TLK1: variants seen among roughly 807,000 people sequenced by gnomAD.
The protein encoded by TLK1 is serine/threonine-protein kinase tousled-like 1.
A neutral mutation model predicts 105.3 loss-of-function variants in TLK1; 24 were observed. That is an observed-to-expected ratio of 0.23 (90% CI 0.17 to 0.32). TLK1 has a LOEUF of 0.32. TLK1 is among the 10% of genes least tolerant of loss of function. TLK1 has a pLI of 1.00. For missense variants in TLK1, 558 were observed against 910.5 expected, an observed-to-expected ratio of 0.61 and a Z score of 4.98; for synonymous variants, 321 against 310.4, an observed-to-expected ratio of 1.03 and a Z score of -0.36.
rs780025885 is a variant in TLK1 at position 171,224,105 on chromosome 2, AT to A, written c.-6+7039del. Among the ~76,000 whole-genome samples the A allele has an allele frequency of 5.3e-5, 8 of 152,146 alleles. No individual in the cohort carries two copies. The East Asian group carries it at 1.2e-3, about 22-fold the overall frequency. On this transcript the variant is annotated intron_variant, in intron 1 of 20. Transcript: ENST00000521943. ...GGTCTTAGATTTAAGTCTTTACTCCATTTTGATTTGATTTTTGTATATATGA... is the reference window on the plus strand; with the variant it reads ...GGTCTTAGATTTAAGTCTTTACTCCATTTGATTTGATTTTTGTATATATGA...
chr2:171,058,598 T>C lies in TLK1; in HGVS notation c.407-401A>G, dbSNP rs187840987. The stretch of plus-strand genomic sequence containing the variant: ...GGAATGTTATTTTGTAAAATGTATT[T>C]TGATTTTCTAAAAAGCATTCCCAAA... On this transcript the variant is annotated intron_variant, in intron 4 of 20. Coordinates refer to ENST00000431350, the MANE Select transcript of TLK1 (RefSeq NM_012290.5). Among the ~76,000 whole-genome samples the C allele has an allele frequency of 2.6e-5, 4 of 152,292 alleles. No homozygotes were observed. The East Asian group carries it at 7.7e-4, about 29-fold the overall frequency.
intron 1 of TLK1, among the ~76,000 whole-genome samples, chr2:171,227,641 TCTGA>T (rs1000286154): frequency 1.9e-4 from 25 of 133,352 alleles, no homozygotes; most frequent in African/African-American, 6.4e-4. Context: ...CTGTAAAAGT[TCTGA>T]CTAATTCACT....
At chr2:171,230,508 C>G (rs906176705) in intron 1 of TLK1, among the ~76,000 whole-genome samples, 1 of 152,190 alleles carries the variant, frequency 6.6e-6, no homozygotes, top group African/African-American at 2.4e-5. Flanking sequence ...CTTCATCCCC[C>G]TGTCCCGACA....
intron 4 of TLK1, 86 bp downstream of exon 4, chr2:171,060,995 T>C (rs1428718674): frequency 1.5e-6 from 2 of 1,297,056 alleles, no homozygotes; most frequent in African/African-American, 3.0e-5. Flanking sequence ...CATATTATTT[T>C]ACAATTAGAG....
At chr2:171,161,708 G>A (rs79700496), upstream of TLK1, among the ~76,000 whole-genome samples, 3,496 of 152,272 alleles carry the variant, frequency 0.023, 75 homozygotes, top group South Asian at 0.047. Flanking sequence ...ATGGTTTCTA[G>A]AAACTTATAA....
At chr2:171,110,839 T>TA (rs1008854630) in intron 2 of TLK1, among the ~76,000 whole-genome samples, 1 of 152,140 alleles carries the variant, frequency 6.6e-6, no homozygotes, top group Non-Finnish European at 1.5e-5. Flanking sequence ...AACTATATAG[T>TA]AAAAAAGGGT....
chr2:171,135,374 A>G (rs1691273073), intron 1 of TLK1, among the ~76,000 whole-genome samples: 1 of 151,734 alleles, frequency 6.6e-6, no homozygotes, highest in South Asian at 2.1e-4. Context: ...CCATAAATGT[A>G]TACAATTATG....
intron 2 of TLK1, among the ~76,000 whole-genome samples, chr2:171,108,020 G>A (rs1241871963): frequency 3.3e-5 from 5 of 150,278 alleles, no homozygotes; most frequent in East Asian, 3.9e-4. Context: ...TTGCGTCACC[G>A]TACTCCAGCC....
chr2:171,117,835 A>G lies in TLK1; in HGVS notation c.162T>C (p.Ser54=). 2 of 1,613,396 alleles carry G rather than the reference A, an allele frequency of 1.2e-6. No homozygotes were observed. Among genetic ancestry groups the G allele is most frequent in the Non-Finnish European group, 1.7e-6 (2 of 1,179,860 alleles). The change falls in exon 2 of 21, where the codon AGT becomes AGC. Residue 54 remains serine (S), a synonymous_variant. Transcript: ENST00000431350. ...ATAACTCTTGCCTTCTTGGATCCAGACTATGAAGCTCATCCATTGCACCTA... is the reference window on the plus strand; with the variant it reads ...ATAACTCTTGCCTTCTTGGATCCAGGCTATGAAGCTCATCCATTGCACCTA... The part of the protein sequence containing the change: ...PREGAMDELH[S]LDPRRQELLE...
In TLK1 at chr2:171,007,049, A is replaced by T. The variant is rs928742023; in HGVS notation, c.1431T>A (p.Tyr477Ter). The change falls in exon 15 of 21, where the codon TAT (tyrosine) becomes TAA (stop). Residue 477 changes from tyrosine to a stop codon, truncating the protein, a stop_gained. Transcript: ENST00000431350. LOFTEE classifies it high-confidence loss of function. ...TCTTCACAGCAGCATATCTTTGTTCATAAAGGTCAAAAGCCTAGGATTTCA... is the reference window on the plus strand; with the variant it reads ...TCTTCACAGCAGCATATCTTTGTTCTTAAAGGTCAAAAGCCTAGGATTTCA... ...FSEVYKAFDL[Y>*]EQRYAAVKIH... The T allele has an allele frequency of 1.2e-6, 2 of 1,605,762 alleles. No homozygotes were observed. The highest frequency in any genetic ancestry group is 1.7e-6 in the Non-Finnish European group (2 of 1,178,062).
intron 2 of TLK1, among the ~76,000 whole-genome samples, chr2:171,090,667 G>C (rs1463702118): frequency 6.6e-6 from 1 of 152,134 alleles, no homozygotes; most frequent in East Asian, 1.9e-4. Flanking sequence ...ATTCTTTGGA[G>C]ACTAAAGCTG....
At chr2:171,017,877 A>G (rs926752763) in intron 12 of TLK1, among the ~76,000 whole-genome samples, 2 of 152,316 alleles carry the variant, frequency 1.3e-5, no homozygotes, top group African/African-American at 4.8e-5. Flanking sequence ...AACCCACCAT[A>G]CTCAGTGAAA....
chr2:171,104,276 C>CAAAAA (rs200041617), intron 2 of TLK1, among the ~76,000 whole-genome samples: 1 of 108,354 alleles, frequency 9.2e-6, no homozygotes. Flanking sequence ...GATTCTGTCT[C>CAAAAA]AAAAAAAAAA....
chr2:171,145,529 G>C (rs757583331), intron 1 of TLK1, among the ~76,000 whole-genome samples: 1 of 151,772 alleles, frequency 6.6e-6, no homozygotes, highest in Non-Finnish European at 1.5e-5. Flanking sequence ...AGCGGAGGCT[G>C]CAGTGAGCCG....
intron 1 of TLK1, among the ~76,000 whole-genome samples, chr2:171,138,303 C>T (rs780911324): frequency 2.6e-5 from 4 of 152,180 alleles, no homozygotes; most frequent in Non-Finnish European, 4.4e-5. Context: ...ATACTTACAA[C>T]GACATATTTA....
At chr2:171,035,532 G>A (rs1686286635) in intron 11 of TLK1, among the ~76,000 whole-genome samples, 1 of 152,166 alleles carries the variant, frequency 6.6e-6, no homozygotes, top group South Asian at 2.1e-4. Flanking sequence ...TCAGCAGCGT[G>A]AAAGCAAACT....
At chr2:171,121,572 A>C (rs1690657212) in intron 1 of TLK1, among the ~76,000 whole-genome samples, 1 of 152,220 alleles carries the variant, frequency 6.6e-6, no homozygotes, top group Non-Finnish European at 1.5e-5. Flanking sequence ...ATTGGACTTC[A>C]TCAAAAATTT....
At chr2:171,135,458 A>T (rs1691275526) in intron 1 of TLK1, among the ~76,000 whole-genome samples, 2 of 151,966 alleles carry the variant, frequency 1.3e-5, no homozygotes, top group Non-Finnish European at 2.9e-5. Context: ...ATTTGAGCTC[A>T]GGAGTTTGGG....
At chr2:171,140,535 CA>C (rs1558964394) in intron 1 of TLK1, among the ~76,000 whole-genome samples, 1 of 152,150 alleles carries the variant, frequency 6.6e-6, no homozygotes, top group East Asian at 1.9e-4. Context: ...GAGCCTCCCC[CA>C]AACTCTGGGT....
Sources: allele counts gnomAD v4.1 joint callset (sites outside exome capture counted in the v4.1 genomes callset), GRCh38; gene constraint gnomAD v4.1.1; transcripts MANE v1.5; gene names NCBI Gene and HGNC (gene_info 2026-07-23, HGNC 2026-07-21).